SPATS2: variants seen among roughly 807,000 people sequenced by gnomAD.
SPATS2 encodes spermatogenesis associated serine rich 2, also known as spermatogenesis-associated serine-rich protein 2.
A neutral mutation model predicts 63.7 loss-of-function variants in SPATS2; 38 were observed. The ratio of observed to expected loss-of-function variants is 0.60; its 90% CI spans 0.46 to 0.78. The LOEUF is 0.78. Ranked by LOEUF, SPATS2 falls within the 30% of genes least tolerant of loss-of-function variation. The pLI, the probability that SPATS2 is intolerant of heterozygous loss-of-function variation, is 0.00. For missense variants in SPATS2, 588 were observed against 666.2 expected (o/e 0.88, Z 1.29); for synonymous variants, 207 against 232.9 (o/e 0.89, Z 1.01).
At chr12:49,371,950 AG>A (rs1290308240) in intron 2 of SPATS2, among the ~76,000 whole-genome samples, 1 of 41,070 alleles carries the variant, frequency 2.4e-5, no homozygotes, top group Non-Finnish European at 5.1e-5. Flanking sequence ...CCCTCCTTTC[AG>A]GTTTTTTTTT....
chr12:49,493,533 G>A (rs1482176681), intron 6 of SPATS2, among the ~76,000 whole-genome samples: 1 of 151,848 alleles, frequency 6.6e-6, no homozygotes, highest in Non-Finnish European at 1.5e-5. Context: ...TCCCGAGTAG[G>A]TGGGATTACA....
intron 2 of SPATS2, among the ~76,000 whole-genome samples, chr12:49,397,710 G>C (rs1592358469): frequency 6.6e-6 from 1 of 151,916 alleles, no homozygotes; most frequent in East Asian, 1.9e-4. Context: ...CATGCCTGTA[G>C]TGTTAACTAC....
intron 2 of SPATS2, among the ~76,000 whole-genome samples, chr12:49,411,316 G>C (rs1426048321): frequency 6.6e-6 from 1 of 152,100 alleles, no homozygotes; most frequent in Non-Finnish European, 1.5e-5. Context: ...CCCACCGGAT[G>C]TGCCCCCTCA....
In SPATS2 at chr12:49,506,958, A is replaced by G. The variant is rs987108826; in HGVS notation, c.839+6753A>G. ...AAGGCTATGTAACAGAGAAACCCCA[A>G]TGTAGGAGAATTTAGGGACTAAGGA... On this transcript the variant is annotated intron_variant, in intron 9 of 13. Coordinates refer to ENST00000552918, the MANE Select transcript of SPATS2 (RefSeq NM_023071.4). Among the ~76,000 whole-genome samples the G allele has an allele frequency of 3.9e-5, 6 of 152,182 alleles. No homozygotes were observed. In the East Asian group the frequency reaches 1.2e-3, roughly 29 times the overall value.
intron 2 of SPATS2, among the ~76,000 whole-genome samples, chr12:49,428,894 T>A (rs947547325): frequency 5.3e-5 from 8 of 151,940 alleles, no homozygotes; most frequent in Admixed American, 5.2e-4. Flanking sequence ...TGTAAGGGGG[T>A]GGTAATAAAA....
intron 2 of SPATS2, chr12:49,389,775 C>G (rs1247453814): frequency 8.0e-7 from 1 of 1,242,304 alleles, no homozygotes; most frequent in East Asian, 2.3e-5. Flanking sequence ...AAAAGAATTG[C>G]GTACATCCCT....
intron 3 of SPATS2, among the ~76,000 whole-genome samples, chr12:49,482,008 A>T (rs970822943): frequency 1.3e-5 from 2 of 152,182 alleles, no homozygotes; most frequent in Non-Finnish European, 2.9e-5. Flanking sequence ...CTAAGTATTG[A>T]TGGGAATTAA....
chr12:49,479,766 A>G (rs1478912945), intron 3 of SPATS2, among the ~76,000 whole-genome samples: 4 of 152,262 alleles, frequency 2.6e-5, no homozygotes. Flanking sequence ...TGTATGTGTA[A>G]GGAATATCAG....
intron 2 of SPATS2, among the ~76,000 whole-genome samples, chr12:49,438,191 A>G (rs1041466083): frequency 6.6e-6 from 1 of 152,118 alleles, no homozygotes; most frequent in Admixed American, 6.5e-5. Context: ...CTTGTACTTG[A>G]TATAAACAGA....
chr12:49,518,273 G>T (rs994550693), intron 10 of SPATS2, among the ~76,000 whole-genome samples: 1 of 152,238 alleles, frequency 6.6e-6, no homozygotes, highest in Non-Finnish European at 1.5e-5. Context: ...TGGTTTATCT[G>T]CTTCCTGGGA....
At chr12:49,381,155 C>T (rs572849428) in intron 2 of SPATS2, among the ~76,000 whole-genome samples, 1 of 152,246 alleles carries the variant, frequency 6.6e-6, no homozygotes, top group East Asian at 1.9e-4. Context: ...TGATGTTGAA[C>T]ATCTTTTCAT....
chr12:49,494,817 C>G lies in SPATS2; in HGVS notation c.341C>G (p.Ser114Cys), dbSNP rs1463648348. The G allele has an allele frequency of 6.2e-7, 1 of 1,613,438 alleles. No homozygotes were observed. The highest frequency in any genetic ancestry group is 1.3e-5 in the African/African-American group (1 of 74,860). ...NGIPDSSKSVSIQEEQSAPSS... is the reference protein window; with the variant it reads ...NGIPDSSKSVCIQEEQSAPSS... Reference sequence around the variant, plus strand: ...ATCCCAGATTCCAGTAAATCAGTTTCCATTCAAGAGGAACAGTCTGCGCCT... The same window carrying G: ...ATCCCAGATTCCAGTAAATCAGTTTGCATTCAAGAGGAACAGTCTGCGCCT... Residue 114 changes from serine to cysteine, a missense_variant, in exon 7 of 14, where the codon TCC becomes TGC. Ser to Cys is a moderately radical substitution (Grantham distance 112). Transcript: ENST00000552918.
chr12:49,423,982 C>A (rs1408400017), intron 2 of SPATS2, among the ~76,000 whole-genome samples: 1 of 152,142 alleles, frequency 6.6e-6, no homozygotes. Context: ...GCGGGCAAAT[C>A]ACTTGAGGTT....
chr12:49,489,707 C>T (rs1946352626), intron 5 of SPATS2, 134 bp downstream of exon 5: 1 of 654,178 alleles, frequency 1.5e-6, no homozygotes, highest in South Asian at 2.1e-5. Context: ...CATACCATGA[C>T]ATTTGACGAT....
intron 9 of SPATS2, chr12:49,512,905 G>T (rs149285615): frequency 4.7e-6 from 6 of 1,288,856 alleles, no homozygotes; most frequent in Non-Finnish European, 6.1e-6. Context: ...ATATTGCCAA[G>T]GTTTGGGAAA....
At chr12:49,404,795 A>G (rs886572582) in intron 2 of SPATS2, among the ~76,000 whole-genome samples, 7 of 152,174 alleles carry the variant, frequency 4.6e-5, no homozygotes, top group Admixed American at 2.6e-4. Flanking sequence ...TTGGTAAACT[A>G]CTGTTCACGG....
chr12:49,404,111 A>T (rs1338266863), intron 2 of SPATS2, among the ~76,000 whole-genome samples: 3 of 152,130 alleles, frequency 2.0e-5, no homozygotes. Flanking sequence ...GCTTGCATGG[A>T]TTTACAATCT....
chr12:49,420,190 G>A (rs1346371476), intron 2 of SPATS2, among the ~76,000 whole-genome samples: 1 of 152,192 alleles, frequency 6.6e-6, no homozygotes, highest in Non-Finnish European at 1.5e-5. Context: ...TCTTTCCCTT[G>A]AGCTTTGAGC....
At chr12:49,423,057 C>A (rs1456672841) in intron 2 of SPATS2, among the ~76,000 whole-genome samples, 3 of 152,078 alleles carry the variant, frequency 2.0e-5, no homozygotes. Flanking sequence ...ATGTCCTCAT[C>A]CCTTTTCAAA....
Sources: gnomAD v4.1 joint callset for allele counts (sites outside exome capture counted in the v4.1 genomes callset) on GRCh38, gnomAD v4.1.1 for gene constraint, MANE v1.5 for transcripts, NCBI Gene and HGNC (gene_info 2026-07-23, HGNC 2026-07-21) for gene names.